CCDC167: variants seen among roughly 807,000 people sequenced by gnomAD.
CCDC167 encodes coiled-coil domain-containing protein 167.
CCDC167 carries 15 observed loss-of-function variants against 12.7 expected under a neutral mutation model. That is an observed-to-expected ratio of 1.18 (90% CI 0.79 to 1.81). CCDC167 has a LOEUF of 1.81. Among genes scored for constraint, CCDC167 ranks in the 40% most tolerant of loss-of-function variants. The probability of loss-of-function intolerance (pLI) is 0.00; values close to 1 mark genes in which losing one functional copy is unlikely to be tolerated. For missense variants in CCDC167, 121 were observed against 120.1 expected, an observed-to-expected ratio of 1.01 and a Z score of -0.03; for synonymous variants, 52 against 49.0, an observed-to-expected ratio of 1.06 and a Z score of -0.26.
intron 1 of CCDC167, among the ~76,000 whole-genome samples, chr6:37,496,871 T>C (rs1353328976): frequency 1.3e-5 from 2 of 152,234 alleles, no homozygotes; most frequent in Non-Finnish European, 2.9e-5. Context: ...GGTGGGGTTT[T>C]AGTTCTTGCC....
intron 1 of CCDC167, among the ~76,000 whole-genome samples, chr6:37,489,891 A>G (rs1267885357): frequency 6.6e-6 from 1 of 152,224 alleles, no homozygotes; most frequent in Non-Finnish European, 1.5e-5. Flanking sequence ...TGTGACCGGC[A>G]AAGTAGAGAC....
intron 3 of CCDC167, among the ~76,000 whole-genome samples, chr6:37,483,869 T>A (rs1220612574): frequency 6.6e-6 from 1 of 152,184 alleles, no homozygotes; most frequent in Non-Finnish European, 1.5e-5. Context: ...GTCCTGCTGC[T>A]CTATGGCCAC....
At chr6:37,496,142 G>A (rs1291462486) in intron 1 of CCDC167, among the ~76,000 whole-genome samples, 1 of 152,052 alleles carries the variant, frequency 6.6e-6, no homozygotes, top group Non-Finnish European at 1.5e-5. Context: ...GTTTAAAAAC[G>A]TAAAAATCCG....
At chr6:37,497,136 G>T (rs566301221) in intron 1 of CCDC167, among the ~76,000 whole-genome samples, 10 of 152,304 alleles carry the variant, frequency 6.6e-5, no homozygotes, top group South Asian at 6.2e-4. Context: ...AAGCTTTAGT[G>T]GAACACTGAC....
intron 1 of CCDC167, among the ~76,000 whole-genome samples, chr6:37,499,253 A>C (rs187455150): frequency 5.9e-5 from 9 of 152,176 alleles, no homozygotes; most frequent in Admixed American, 2.0e-4. Context: ...ATATGCAGCA[A>C]ATTATTTTTA....
intron 1 of CCDC167, among the ~76,000 whole-genome samples, chr6:37,486,904 T>C (rs544173648): frequency 4.6e-5 from 7 of 152,198 alleles, no homozygotes; most frequent in African/African-American, 1.7e-4. Flanking sequence ...AGCCCCTCAG[T>C]ACCCTGAGAC....
intron 1 of CCDC167, among the ~76,000 whole-genome samples, chr6:37,489,163 G>A (rs751370869): frequency 6.6e-6 from 1 of 152,116 alleles, no homozygotes; most frequent in African/African-American, 2.4e-5. Context: ...TTGAACCCAG[G>A]GGGTGGAGGC....
chr6:37,485,103 G>GC lies in CCDC167; in HGVS notation c.133dup (p.Ala45GlyfsTer93). 6.2e-7 allele frequency: 1 copy of GC among 1,611,480 alleles called. No individual in the cohort carries two copies. Among genetic ancestry groups the GC allele is most frequent in the Non-Finnish European group, 8.5e-7 (1 of 1,179,398 alleles). ...GGTGGCTGGGCAGGAGCATTACCTG[G>GC]CCTCTGGGCTCAGCTCCCGGCTGTG... On this transcript the variant is annotated frameshift_variant, in exon 2 of 4. Transcript: ENST00000373408. LOFTEE classifies it high-confidence loss of function.
intron 1 of CCDC167, 24 bp from the exon 2 acceptor site, chr6:37,485,218 T>TG (rs1761927646): frequency 3.8e-6 from 6 of 1,585,822 alleles, no homozygotes; most frequent in Non-Finnish European, 5.2e-6. Context: ...CACAGAGAGG[T>TG]GGGCTGCCGA....
intron 2 of CCDC167, 108 bp downstream of exon 2, chr6:37,484,992 G>A (rs1761924002): frequency 2.1e-6 from 3 of 1,438,692 alleles, no homozygotes; most frequent in Non-Finnish European, 2.9e-6. Flanking sequence ...AAGCTAAGAT[G>A]TCAGGGACCC....
In CCDC167 at chr6:37,489,629, C is replaced by CAGCAGGT. The variant is rs566316905; in HGVS notation, c.43-4442_43-4436dup. Among the ~76,000 whole-genome samples, 24 of 152,310 alleles carry CAGCAGGT rather than the reference C, an allele frequency of 1.6e-4. 1 individual carries two copies. In the South Asian group the frequency reaches 4.8e-3, roughly 30 times the overall value. ...AGTGGGCATCTGAGGAAATGTGGAACAGCAGGTGAGGCCCAGCAGCCAGAG... is the reference window on the plus strand; with the variant it reads ...AGTGGGCATCTGAGGAAATGTGGAACAGCAGGTAGCAGGTGAGGCCCAGCAGCCAGAG... On this transcript the variant is annotated intron_variant, in intron 1 of 3. Transcript: ENST00000373408.
At chr6:37,499,032 G>A (rs1762133159) in intron 1 of CCDC167, among the ~76,000 whole-genome samples, 1 of 152,072 alleles carries the variant, frequency 6.6e-6, no homozygotes, top group South Asian at 2.1e-4. Context: ...ATGCCCTAAG[G>A]GAAGGAAAAC....
At chr6:37,491,369 C>A (rs1490410618) in intron 1 of CCDC167, among the ~76,000 whole-genome samples, 1 of 152,214 alleles carries the variant, frequency 6.6e-6, no homozygotes, top group South Asian at 2.1e-4. Flanking sequence ...TAGGGCCAGA[C>A]CTGTTTCTGG....
At chr6:37,483,531 TGGTTGA>T (rs1761898354) in intron 3 of CCDC167, among the ~76,000 whole-genome samples, 1 of 152,200 alleles carries the variant, frequency 6.6e-6, no homozygotes, top group Non-Finnish European at 1.5e-5. Flanking sequence ...TCTTTAAATG[TGGTTGA>T]GGTTGAGGGT....
At chr6:37,484,688 G>A in intron 3 of CCDC167, 122 bp downstream of exon 3, 1 of 1,100,658 alleles carries the variant, frequency 9.1e-7, no homozygotes, top group Non-Finnish European at 1.4e-6. Context: ...GCCTCTGGGG[G>A]CTGGTTCCCT....
At position 37,485,106 on chromosome 6, in the gene CCDC167, T is replaced by A; in HGVS notation, c.131A>T (p.Glu44Val). The A allele has an allele frequency of 1.2e-6, 2 of 1,612,174 alleles. No individual in the cohort carries two copies. The highest frequency in any genetic ancestry group is 1.7e-5 in the Admixed American group (1 of 60,020). Residue 44 changes from glutamate (E) to valine (V), a missense_variant, in exon 2 of 4, where the codon GAG (glutamate) becomes GTG (valine). Transcript: ENST00000373408. ...GGCTGGGCAGGAGCATTACCTGGCC[T>A]CTGGGCTCAGCTCCCGGCTGTGGAG... ...SRLHSRELSP[E>V]ARRSLEKEKN...
chr6:37,486,921 T>C (rs1197474082), intron 1 of CCDC167, among the ~76,000 whole-genome samples: 1 of 151,238 alleles, frequency 6.6e-6, no homozygotes, highest in Non-Finnish European at 1.5e-5. Flanking sequence ...AGACTCAGAT[T>C]CCACTCAAGA....
intron 1 of CCDC167, among the ~76,000 whole-genome samples, chr6:37,498,158 A>G (rs964556948): frequency 2.0e-5 from 3 of 152,190 alleles, no homozygotes; most frequent in African/African-American, 2.4e-5. Flanking sequence ...ATGAGGATCA[A>G]CTGTAGTTGC....
Position 37,485,091 on chromosome 6 carries a change from G to A in CCDC167, c.137+9C>T. On this transcript the variant is annotated intron_variant, in intron 2 of 3. Transcript: ENST00000373408. ...GGGGAAGGGTGGGGTGGCTGGGCAG[G>A]AGCATTACCTGGCCTCTGGGCTCAG... The A allele has an allele frequency of 6.2e-7, 1 of 1,609,032 alleles. No individual in the cohort carries two copies. Among genetic ancestry groups the A allele is most frequent in the Non-Finnish European group, 8.5e-7 (1 of 1,178,182 alleles).
Sources: allele counts gnomAD v4.1 joint callset (sites outside exome capture counted in the v4.1 genomes callset), GRCh38; gene constraint gnomAD v4.1.1; transcripts MANE v1.5; gene names NCBI Gene and HGNC (gene_info 2026-07-23, HGNC 2026-07-21).